KBTBD12: variants seen among roughly 807,000 people sequenced by gnomAD.
KBTBD12 encodes the protein kelch repeat and BTB domain containing 12, also known as kelch repeat and BTB domain-containing protein 12.
KBTBD12 carries 53 observed loss-of-function variants against 58.7 expected under a neutral mutation model. That is an observed-to-expected ratio of 0.90 (90% CI 0.72 to 1.14). The LOEUF (loss-of-function observed/expected upper bound fraction) is 1.14. KBTBD12 is among the 50% of genes most tolerant of loss of function. KBTBD12 has a pLI of 0.00. For missense variants in KBTBD12, 704 were observed against 751.3 expected, an observed-to-expected ratio of 0.94 and a Z score of 0.74; for synonymous variants, 236 against 259.8, an observed-to-expected ratio of 0.91 and a Z score of 0.88.
At chr3:127,937,520 C>A (rs567587793) in intron 4 of KBTBD12, among the ~76,000 whole-genome samples, 13 of 151,786 alleles carry the variant, frequency 8.6e-5, no homozygotes, top group Non-Finnish European at 1.8e-4. Flanking sequence ...GAGTGCATCA[C>A]AAAGATTTTT....
chr3:127,976,827 T>A (rs1016876273), intron 5 of KBTBD12, among the ~76,000 whole-genome samples: 1 of 152,234 alleles, frequency 6.6e-6, no homozygotes, highest in Non-Finnish European at 1.5e-5. Context: ...TCTGTTCTTT[T>A]TGTGTGTGTT....
At chr3:127,939,541 A>C (rs916968328) in intron 4 of KBTBD12, among the ~76,000 whole-genome samples, 1 of 152,202 alleles carries the variant, frequency 6.6e-6, no homozygotes, top group Non-Finnish European at 1.5e-5. Flanking sequence ...TAGTGATAAA[A>C]TACTGATACT....
chr3:127,966,768 G>A (rs1225376314), intron 5 of KBTBD12, among the ~76,000 whole-genome samples: 1 of 152,046 alleles, frequency 6.6e-6, no homozygotes, highest in Non-Finnish European at 1.5e-5. Flanking sequence ...AAATGCCAAG[G>A]ACAAAGGATG....
In KBTBD12 at chr3:127,987,421, G is replaced by A. The variant is rs1047903282; in HGVS notation, c.*3143G>A. ...TTCACTTTAATAGAAGGCTGTTGCA[G>A]TACTGCATGATGGGCTCTTATAAAA... On this transcript the variant is annotated 3_prime_UTR_variant, in exon 6 of 6. Coordinates refer to ENST00000405109, the MANE Select transcript of KBTBD12 (RefSeq NM_207335.4). 3.3e-5 allele frequency: 5 copies of A among 152,216 alleles called. No individual in the cohort carries two copies. The highest frequency in any genetic ancestry group is 1.2e-4 in the African/African-American group (5 of 41,442). The allele number at this position is 152,216 out of a possible 1,614,324, so 9.4% of individuals were successfully genotyped here. A position where few individuals can be genotyped will look rare whatever the true frequency, so the allele number is the denominator to read the frequency against.
In KBTBD12 at chr3:127,923,234, C is replaced by G; in HGVS notation, c.173C>G (p.Ala58Gly). The change falls in exon 2 of 6, where the codon GCT (alanine) becomes GGT (glycine). Residue 58 changes from alanine to glycine, a missense_variant. Physicochemically the swap from Ala to Gly is moderately conservative, Grantham distance 60. Coordinates refer to ENST00000405109, the MANE Select transcript of KBTBD12 (RefSeq NM_207335.4). ...GCTGCATTTAGCCCTTATTTCAAAG[C>G]TATGTTCACCTGTGGACTACTTGAA... ...VLAAFSPYFKAMFTCGLLECN... is the reference protein window; with the variant it reads ...VLAAFSPYFKGMFTCGLLECN... 1.9e-6 allele frequency: 3 copies of G among 1,613,840 alleles called. No individual in the cohort carries two copies. Among genetic ancestry groups the G allele is most frequent in the Non-Finnish European group, 2.5e-6 (3 of 1,179,786 alleles).
chr3:127,930,308 G>A (rs1185789387), intron 4 of KBTBD12, 25 bp downstream of exon 4: 3 of 1,602,986 alleles, frequency 1.9e-6, no homozygotes, highest in Non-Finnish European at 2.6e-6. Flanking sequence ...ATTGCTAACA[G>A]TATAACTACT....
chr3:127,921,575 G>A (rs1007657024), intron 1 of KBTBD12, among the ~76,000 whole-genome samples: 4 of 152,000 alleles, frequency 2.6e-5, no homozygotes, highest in Non-Finnish European at 5.9e-5. Context: ...AACTGCCCAG[G>A]TATTTTTCTG....
chr3:127,981,307 A>G (rs1036095361), intron 5 of KBTBD12, among the ~76,000 whole-genome samples: 2 of 152,214 alleles, frequency 1.3e-5, no homozygotes, highest in African/African-American at 2.4e-5. Flanking sequence ...TGGACCTGTT[A>G]CCTTTTCTAC....
At chr3:127,959,951 A>C (rs58491058) in intron 4 of KBTBD12, among the ~76,000 whole-genome samples, 2,296 of 152,326 alleles carry the variant, frequency 0.015, 52 homozygotes, top group African/African-American at 0.052. Context: ...GACAATAGTA[A>C]ATATATGTAC....
intron 4 of KBTBD12, among the ~76,000 whole-genome samples, chr3:127,933,800 T>A (rs1214386320): frequency 1.3e-5 from 2 of 152,038 alleles, no homozygotes; most frequent in African/African-American, 4.8e-5. Context: ...TAAGGGTAAC[T>A]CATAGGCTAA....
intron 4 of KBTBD12, among the ~76,000 whole-genome samples, chr3:127,931,463 A>G (rs1559762828): frequency 6.6e-6 from 1 of 152,122 alleles, no homozygotes; most frequent in Non-Finnish European, 1.5e-5. Flanking sequence ...AACCTATGAT[A>G]GATCACCTAG....
intron 1 of KBTBD12, among the ~76,000 whole-genome samples, chr3:127,921,519 AAG>A (rs1232204780): frequency 6.6e-6 from 1 of 152,160 alleles, no homozygotes; most frequent in Non-Finnish European, 1.5e-5. Flanking sequence ...TTATATGTAC[AAG>A]AAACAAAGCT....
chr3:127,982,578 G>A (rs1435184945), intron 5 of KBTBD12, among the ~76,000 whole-genome samples: 4 of 152,302 alleles, frequency 2.6e-5, no homozygotes, highest in African/African-American at 9.6e-5. Flanking sequence ...TCGTGCCTCT[G>A]GGATCTGTGA....
rs978306113 is a variant in KBTBD12, at chr3:127,974,994, C to T, written c.1691-9103C>T. On this transcript the variant is annotated intron_variant, in intron 5 of 5. Transcript: ENST00000405109. ...TCTCAAAATAAATAAATAAATAAAT[C>T]ATCTCTGTTAGTTTGAGTTCCCCCA... Among the ~76,000 whole-genome samples, 11 of 152,136 alleles carry T rather than the reference C, an allele frequency of 7.2e-5. No individual in the cohort carries two copies. The South Asian group carries it at 1.0e-3, about 14-fold the overall frequency.
At chr3:127,931,726 A>G (rs879735683) in intron 4 of KBTBD12, among the ~76,000 whole-genome samples, 2 of 152,204 alleles carry the variant, frequency 1.3e-5, no homozygotes, top group Non-Finnish European at 2.9e-5. Context: ...GAAAGGAGGT[A>G]GATTTAAAAG....
chr3:127,945,993 T>G (rs1940073951), intron 4 of KBTBD12, among the ~76,000 whole-genome samples: 1 of 152,234 alleles, frequency 6.6e-6, no homozygotes, highest in South Asian at 2.1e-4. Flanking sequence ...TATATTATTT[T>G]GTATTAGTTG....
intron 5 of KBTBD12, among the ~76,000 whole-genome samples, chr3:127,972,150 T>C (rs1334378074): frequency 2.0e-5 from 3 of 152,218 alleles, no homozygotes; most frequent in Non-Finnish European, 2.9e-5. Context: ...ATGTGTTAAT[T>C]TATTTGATTC....
chr3:127,982,240 G>C (rs905234835), intron 5 of KBTBD12, among the ~76,000 whole-genome samples: 1 of 152,174 alleles, frequency 6.6e-6, no homozygotes, highest in African/African-American at 2.4e-5. Context: ...GTGATGTTTT[G>C]ACAACTTAAG....
chr3:127,966,217 C>T (rs977105060), intron 5 of KBTBD12, among the ~76,000 whole-genome samples: 8 of 152,198 alleles, frequency 5.3e-5, no homozygotes, highest in African/African-American at 1.2e-4. Flanking sequence ...CATACCCTCT[C>T]GGCAAGAGAT....
Sources: gnomAD v4.1 joint callset for allele counts (sites outside exome capture counted in the v4.1 genomes callset) on GRCh38, gnomAD v4.1.1 for gene constraint, MANE v1.5 for transcripts, NCBI Gene and HGNC (gene_info 2026-07-23, HGNC 2026-07-21) for gene names.